NCAM2: variants seen among roughly 807,000 people sequenced by gnomAD.
NCAM2 encodes neural cell adhesion molecule 2.
NCAM2 carries 30 observed loss-of-function variants against 98.1 expected under a neutral mutation model. That is an observed-to-expected ratio of 0.31 (90% CI 0.23 to 0.41). The LOEUF (loss-of-function observed/expected upper bound fraction) is 0.41, where lower values mean the gene tolerates loss of function less well. Among genes scored for constraint, NCAM2 ranks in the 10% least tolerant of loss-of-function variants. The pLI is 1.00. For missense variants in NCAM2, 867 were observed against 1,005.8 expected (o/e 0.86, Z 1.87); for synonymous variants, 368 against 342.4 (o/e 1.07, Z -0.83).
chr21:21,280,442 T>C (rs531832216), intron 1 of NCAM2, 136 bp from the exon 2 acceptor site: 1 of 585,908 alleles, frequency 1.7e-6, no homozygotes, highest in African/African-American at 2.0e-5. Context: ...TACAAAACTT[T>C]CATTTTTCTT....
At chr21:21,251,544 C>G (rs190397159) in intron 1 of NCAM2, among the ~76,000 whole-genome samples, 1 of 151,810 alleles carries the variant, frequency 6.6e-6, no homozygotes, top group African/African-American at 2.4e-5. Flanking sequence ...TTTTATGTAT[C>G]CAGTCTATCA....
chr21:21,416,934 TTTTC>T (rs78988485), intron 10 of NCAM2, among the ~76,000 whole-genome samples: 34,468 of 151,740 alleles, frequency 0.23, 4,153 homozygotes, highest in South Asian at 0.29. Context: ...GTGATGGGTG[TTTTC>T]TTTATTTATT....
At chr21:21,188,501 A>G (rs959612645) in intron 1 of NCAM2, among the ~76,000 whole-genome samples, 7 of 152,186 alleles carry the variant, frequency 4.6e-5, no homozygotes, top group African/African-American at 1.7e-4. Flanking sequence ...TAGCACCAAT[A>G]TTCTCTTATC....
chr21:21,171,910 T>A (rs901229097), intron 1 of NCAM2, among the ~76,000 whole-genome samples: 3 of 152,146 alleles, frequency 2.0e-5, no homozygotes, highest in Non-Finnish European at 2.9e-5. Flanking sequence ...TGCTATAGCT[T>A]GCACATTATT....
At chr21:21,263,624 T>A (rs573262999) in intron 1 of NCAM2, among the ~76,000 whole-genome samples, 9 of 151,940 alleles carry the variant, frequency 5.9e-5, no homozygotes, top group Non-Finnish European at 1.0e-4. Flanking sequence ...CAAGAATATA[T>A]AACAAAAACA....
chr21:21,255,419 C>G (rs2071630755), intron 1 of NCAM2, among the ~76,000 whole-genome samples: 1 of 152,218 alleles, frequency 6.6e-6, no homozygotes, highest in Non-Finnish European at 1.5e-5. Context: ...TGTCTCTGCT[C>G]ACTTCTGCCT....
intron 9 of NCAM2, among the ~76,000 whole-genome samples, chr21:21,395,048 C>T (rs990673433): frequency 3.3e-5 from 5 of 152,106 alleles, no homozygotes; most frequent in African/African-American, 9.7e-5. Flanking sequence ...ATAAATTAGG[C>T]TGGCTGGGTG....
chr21:21,477,104 T>C (rs1985267451), intron 14 of NCAM2, among the ~76,000 whole-genome samples, 187 bp from the exon 15 acceptor site: 1 of 152,072 alleles, frequency 6.6e-6, no homozygotes, highest in Admixed American at 6.6e-5. Context: ...ACATTATATT[T>C]TATATAGAAA....
At chr21:21,429,215 T>C (rs1157689343) in intron 11 of NCAM2, among the ~76,000 whole-genome samples, 1 of 152,204 alleles carries the variant, frequency 6.6e-6, no homozygotes, top group Non-Finnish European at 1.5e-5. Flanking sequence ...CACTGGCCCA[T>C]GTTTTGATGA....
Position 21,438,743 on chromosome 21 carries a change from A to T in NCAM2, c.1654+6462A>T, listed in dbSNP as rs534772814. Among the ~76,000 whole-genome samples the T allele has an allele frequency of 4.6e-5, 7 of 151,520 alleles. No individual in the cohort carries two copies. In the East Asian group the frequency reaches 1.2e-3, roughly 25 times the overall value. ...GAAAATACTAATCTTACAAACAGCT[A>T]CTCTTTTTTTTTCAGTTTTCTTAAT... On this transcript the variant is annotated intron_variant, in intron 12 of 17. Transcript: ENST00000400546.
chr21:21,264,680 T>C (rs746191309), intron 1 of NCAM2, among the ~76,000 whole-genome samples: 10 of 149,816 alleles, frequency 6.7e-5, no homozygotes, highest in Non-Finnish European at 1.2e-4. Context: ...CACACACACA[T>C]ATATACACAC....
At position 21,380,963 on chromosome 21, in the gene NCAM2, C is replaced by T. The variant is rs184621226; in HGVS notation, c.1195+6950C>T. Among the ~76,000 whole-genome samples, 145 of 152,272 alleles carry T rather than the reference C, an allele frequency of 9.5e-4. 1 individual carries two copies. Among genetic ancestry groups the T allele is most frequent in the Admixed American group, 2.6e-3 (40 of 15,288 alleles). On this transcript the variant is annotated intron_variant, in intron 9 of 17. Transcript: ENST00000400546. ...ATCTTAGCTAATAATCAAATATCTA[C>T]GCTAGCCCTCTTATGCTTTTTGTTT...
At position 21,446,977 on chromosome 21, in the gene NCAM2, C is replaced by T. The variant is rs556192547; in HGVS notation, c.1654+14696C>T. ...ATATTATGAAAATGTCCATACTGCC[C>T]GAAGTAATTTCTACTTTCAATGCTA... On this transcript the variant is annotated intron_variant, in intron 12 of 17. Transcript: ENST00000400546. Among the ~76,000 whole-genome samples the T allele has an allele frequency of 1.6e-4, 25 of 152,136 alleles. No homozygotes were observed. In the East Asian group the frequency reaches 2.3e-3, roughly 14 times the overall value.
intron 1 of NCAM2, among the ~76,000 whole-genome samples, chr21:21,249,596 GATA>G (rs2071403568): frequency 6.6e-6 from 1 of 152,190 alleles, no homozygotes; most frequent in African/African-American, 2.4e-5. Context: ...TTTGTGCTAA[GATA>G]ATGACCTGCC....
rs572577033 is a variant in NCAM2, at chr21:21,419,089, G to A, written c.1480+520G>A. Among the ~76,000 whole-genome samples the A allele has an allele frequency of 4.9e-4, 74 of 152,232 alleles. 1 individual carries two copies. The South Asian group carries it at 0.015, about 30-fold the overall frequency. ...TGAACTTCCAAAAAGTGGGTGTCATGTAATTTTAAATGTTAGCAAAGAATA... is the reference window on the plus strand; with the variant it reads ...TGAACTTCCAAAAAGTGGGTGTCATATAATTTTAAATGTTAGCAAAGAATA... On this transcript the variant is annotated intron_variant, in intron 11 of 17. Transcript: ENST00000400546.
At chr21:21,225,023 C>G (rs2070323905) in intron 1 of NCAM2, among the ~76,000 whole-genome samples, 1 of 151,950 alleles carries the variant, frequency 6.6e-6, no homozygotes, top group African/African-American at 2.4e-5. Flanking sequence ...AAATGCCCAT[C>G]AACAATAGGC....
intron 1 of NCAM2, among the ~76,000 whole-genome samples, chr21:21,066,249 G>A (rs79852313): frequency 0.041 from 6,242 of 152,152 alleles, 403 homozygotes; most frequent in African/African-American, 0.14. Flanking sequence ...TCAGAGTTTC[G>A]TCTTTGAATA....
At chr21:21,139,871 AAAAT>A (rs1358251707) in intron 1 of NCAM2, among the ~76,000 whole-genome samples, 1 of 152,136 alleles carries the variant, frequency 6.6e-6, no homozygotes, top group East Asian at 1.9e-4. Context: ...TCCTTTATTA[AAAAT>A]AAATCTAAAA....
chr21:21,364,263 A>G (rs1160233813), intron 8 of NCAM2, among the ~76,000 whole-genome samples: 2 of 151,932 alleles, frequency 1.3e-5, no homozygotes, highest in Non-Finnish European at 2.9e-5. Context: ...AGGCATATTT[A>G]TTTAAATATA....
Sources: allele counts gnomAD v4.1 joint callset (sites outside exome capture counted in the v4.1 genomes callset), GRCh38; gene constraint gnomAD v4.1.1; transcripts MANE v1.5; gene names NCBI Gene and HGNC (gene_info 2026-07-23, HGNC 2026-07-21).